Variants in ABCD4 observed in about 807,000 individuals in gnomAD.
ABCD4 encodes ATP binding cassette subfamily D member 4, also known as lysosomal cobalamin transporter ABCD4.
A neutral mutation model predicts 86.3 loss-of-function variants in ABCD4; 53 were observed. The ratio of observed to expected loss-of-function variants is 0.61; its 90% CI spans 0.49 to 0.77. The LOEUF (loss-of-function observed/expected upper bound fraction) is 0.77. Ranked by LOEUF, ABCD4 falls within the 30% of genes least tolerant of loss-of-function variation. ABCD4 has a pLI of 0.00. For synonymous variants in ABCD4, 328 were observed against 313.6 expected, an observed-to-expected ratio of 1.05 and a Z score of -0.49; for missense variants, 757 against 764.5, an observed-to-expected ratio of 0.99 and a Z score of 0.12.
intron 9 of ABCD4, 51 bp downstream of exon 9, chr14:74,292,697 G>C: frequency 6.2e-7 from 1 of 1,613,964 alleles, no homozygotes. Context: ...ACAGACACTG[G>C]GCCAAGGACA....
intron 3 of ABCD4, 191 bp downstream of exon 3, chr14:74,299,357 A>C: frequency 9.6e-6 from 6 of 621,844 alleles, no homozygotes; most frequent in Non-Finnish European, 1.4e-5. Context: ...CATCTGAGGA[A>C]TCAGTCCCAC....
chr14:74,294,864 C>T, intron 7 of ABCD4: 1 of 474,714 alleles, frequency 2.1e-6, no homozygotes, highest in African/African-American at 2.0e-5. Flanking sequence ...TTACAGTCAC[C>T]AGCAAGAGGA....
chr14:74,295,649 A>T, intron 6 of ABCD4: 1 of 630,468 alleles, frequency 1.6e-6, no homozygotes, highest in Non-Finnish European at 2.6e-6. Flanking sequence ...TGATTTCATT[A>T]ATCCTCCTAA....
At position 74,296,448 on chromosome 14, in the gene ABCD4, C is replaced by T; in HGVS notation, c.427G>A (p.Asp143Asn). The T allele has an allele frequency of 6.2e-7, 1 of 1,613,942 alleles. No individual in the cohort carries two copies. Among genetic ancestry groups the T allele is most frequent in the Non-Finnish European group, 8.5e-7 (1 of 1,180,012 alleles). Residue 143 changes from aspartate (D) to asparagine (N), a missense_variant and splice_region_variant, in exon 5 of 19, where the codon GAC (aspartate) becomes AAC (asparagine). Coordinates refer to ENST00000356924, the MANE Select transcript of ABCD4 (RefSeq NM_005050.4). ...TCCACGTCCTGGCTGATGCGCTGGT[C>T]CCTGGAGCCAATGACACAGAGTAGC... is the stretch of plus-strand genomic sequence containing the variant. ...NVLRDDIDNP[D>N]QRISQDVERF...
In ABCD4 at chr14:74,288,206, C is replaced by T; in HGVS notation, c.1559+1G>A. 2 of 1,612,178 alleles carry T rather than the reference C, an allele frequency of 1.2e-6. No homozygotes were observed. The highest frequency in any genetic ancestry group is 1.7e-6 in the Non-Finnish European group (2 of 1,179,294). On this transcript the variant is annotated splice_donor_variant, in intron 16 of 18. Coordinates refer to ENST00000356924, the MANE Select transcript of ABCD4 (RefSeq NM_005050.4). LOFTEE classifies it high-confidence loss of function. ...CTGGAGCACCCAAGCTCTTTTCTTA[C>T]CAGTTCCAGTCCACCTGCTGGTCCA...
At chr14:74,294,835 G>T in intron 7 of ABCD4, 1 of 392,714 alleles carries the variant, frequency 2.5e-6, no homozygotes, top group South Asian at 3.7e-5. Context: ...AGACAGAAGA[G>T]CAGAGGCAGA....
In ABCD4 at chr14:74,287,903, G is replaced by C; in HGVS notation, c.1560-17C>G. The C allele has an allele frequency of 6.2e-7, 1 of 1,604,546 alleles. No individual in the cohort carries two copies. The highest frequency in any genetic ancestry group is 8.5e-7 in the Non-Finnish European group (1 of 1,173,094). ...ACATCATACCTGAGGAAAGGTAGGA[G>C]AGAGGACTGCTAGAGGAGGAAGAAT... On this transcript the variant is annotated splice_polypyrimidine_tract_variant and intron_variant, in intron 16 of 18. Coordinates refer to ENST00000356924, the MANE Select transcript of ABCD4 (RefSeq NM_005050.4).
chr14:74,288,171 G>T, intron 16 of ABCD4, 36 bp downstream of exon 16: 1 of 1,607,108 alleles, frequency 6.2e-7, no homozygotes, highest in Non-Finnish European at 8.5e-7. Context: ...TCTTTATGGT[G>T]GGGCTATCTC....
In ABCD4 at chr14:74,286,704, C is replaced by A. The variant is rs1566908858; in HGVS notation, c.1749G>T (p.Glu583Asp). 1 of 1,614,124 alleles carries A rather than the reference C, an allele frequency of 6.2e-7. No homozygotes were observed. Among genetic ancestry groups the A allele is most frequent in the Non-Finnish European group, 8.5e-7 (1 of 1,180,038 alleles). The part of the protein sequence containing the change: ...FISVGHRQSL[E>D]KFHSLVLKLC... ...CCATCCTTGTGAGCACGGGTACCTT[C>A]TCAAGGCTCTGCCGATGTCCCACAC... The change falls in exon 18 of 19, where the codon GAG (glutamate) becomes GAT (aspartate). Residue 583 changes from glutamate to aspartate, a missense_variant. Physicochemically the swap from Glu to Asp is conservative, Grantham distance 45. Transcript: ENST00000356924.
chr14:74,289,510 G>C lies in ABCD4; in HGVS notation c.1429C>G (p.Pro477Ala), dbSNP rs762672388. 5 of 1,610,960 alleles carry C rather than the reference G, an allele frequency of 3.1e-6. No individual in the cohort carries two copies. Among genetic ancestry groups the C allele is most frequent in the Non-Finnish European group, 4.2e-6 (5 of 1,178,698 alleles). The stretch of plus-strand genomic sequence containing the variant: ...GAGTCGGGGTAGACCTCCTTCAGGG[G>C]ATATATCACCTGAGAAAAGAAAAAA... Reference protein sequence around the residue: ...DGTLREQVIYPLKEVYPDSGS... With the variant: ...DGTLREQVIYALKEVYPDSGS... The change falls in exon 14 of 19, where the codon CCC (proline) becomes GCC (alanine). Residue 477 changes from proline (P) to alanine (A), a missense_variant. Transcript: ENST00000356924.
chr14:74,290,169 T>A, intron 12 of ABCD4, 51 bp from the exon 13 acceptor site: 9 of 1,611,118 alleles, frequency 5.6e-6, no homozygotes, highest in Non-Finnish European at 7.6e-6. Context: ...AAGAGGCAAC[T>A]GCCTGTCTCC....
At chr14:74,293,288 G>A (rs780541202) in intron 7 of ABCD4, 40 bp from the exon 8 acceptor site, 2 of 1,592,418 alleles carry the variant, frequency 1.3e-6, no homozygotes, top group Non-Finnish European at 1.7e-6. Flanking sequence ...GGCTGGAGAG[G>A]TTCAGCCAGG....
rs4148078 is a variant in ABCD4 at position 74,292,598 on chromosome 14, G to T, written c.981C>A (p.Leu327=). The T allele has an allele frequency of 0.35, 560,328 of 1,613,252 alleles. 100,815 individuals are homozygous for T. Among genetic ancestry groups the T allele is most frequent in the Middle Eastern group, 0.53 (3,185 of 6,058 alleles). The part of the protein sequence containing the change: ...CIYLISCFTQ[L]IDLSTTLSDV... ...CTGAGAGCGTCGTGGACAGGTCGAT[G>T]AGCTGGGTGAAGCAGCTGATGAGGT... The change falls in exon 10 of 19, where the codon CTC becomes CTA. Residue 327 remains leucine (L), a synonymous_variant. Coordinates refer to ENST00000356924, the MANE Select transcript of ABCD4 (RefSeq NM_005050.4).
intron 11 of ABCD4, 58 bp from the exon 12 acceptor site, chr14:74,290,557 G>A (rs937892684): frequency 3.0e-6 from 4 of 1,345,656 alleles, no homozygotes; most frequent in South Asian, 1.2e-5. Flanking sequence ...ATTGCTGTGG[G>A]GGAGGCACTG....
chr14:74,296,279 GCTGA>G (rs2082836904), intron 5 of ABCD4, 50 bp downstream of exon 5: 2 of 1,543,062 alleles, frequency 1.3e-6, no homozygotes, highest in African/African-American at 1.4e-5. Flanking sequence ...ACCTGGGAGA[GCTGA>G]CTGAGGGCCC....
chr14:74,293,017 A>T, intron 8 of ABCD4, 137 bp downstream of exon 8: 3 of 1,454,590 alleles, frequency 2.1e-6, no homozygotes, highest in Non-Finnish European at 2.8e-6. Context: ...GAAAGGCAAC[A>T]GCCCCCCCTC....
At chr14:74,296,162 C>T (rs1377160001) in intron 5 of ABCD4, among the ~76,000 whole-genome samples, 171 bp downstream of exon 5, 1 of 152,214 alleles carries the variant, frequency 6.6e-6, no homozygotes, top group Non-Finnish European at 1.5e-5. Context: ...ATCTGTGACA[C>T]TGCAACACAG....
Position 74,286,430 on chromosome 14 carries a change from C to G in ABCD4, c.*31G>C. ...TCTCCTGAGGGCCGCCGACCCGCCA[C>G]AGTGTGGCTCTCCTTCCAAAAGCCA... On this transcript the variant is annotated 3_prime_UTR_variant, in exon 19 of 19. Transcript: ENST00000356924. The G allele has an allele frequency of 6.2e-7, 1 of 1,612,664 alleles. No homozygotes were observed. Among genetic ancestry groups the G allele is most frequent in the Non-Finnish European group, 8.5e-7 (1 of 1,178,762 alleles).
chr14:74,296,448 C>A lies in ABCD4; in HGVS notation c.427G>T (p.Asp143Tyr). The A allele has an allele frequency of 6.2e-7, 1 of 1,613,942 alleles. No homozygotes were observed. The highest frequency in any genetic ancestry group is 1.1e-5 in the South Asian group (1 of 91,054). The change falls in exon 5 of 19, where the codon GAC becomes TAC. Residue 143 changes from aspartate to tyrosine, a missense_variant and splice_region_variant. Asp to Tyr is a radical substitution (Grantham distance 160, BLOSUM62 -3). Coordinates refer to ENST00000356924, the MANE Select transcript of ABCD4 (RefSeq NM_005050.4). ...NVLRDDIDNP[D>Y]QRISQDVERF... ...TCCACGTCCTGGCTGATGCGCTGGT[C>A]CCTGGAGCCAATGACACAGAGTAGC...
Sources: allele counts gnomAD v4.1 joint callset (sites outside exome capture counted in the v4.1 genomes callset), GRCh38; gene constraint gnomAD v4.1.1; transcripts MANE v1.5; gene names NCBI Gene and HGNC (gene_info 2026-07-23, HGNC 2026-07-21).